The following ZBTB25 variants were observed in gnomAD, a reference collection of about 807,000 sequenced individuals.
The protein encoded by ZBTB25 is zinc finger and BTB domain containing 25, also known as zinc finger and BTB domain-containing protein 25.
In ZBTB25, 20 loss-of-function variants were observed where a neutral mutation model predicts 34.2. That is an observed-to-expected ratio of 0.58 (90% confidence interval 0.41 to 0.85). The LOEUF (loss-of-function observed/expected upper bound fraction) is 0.85, where lower values mean the gene tolerates loss of function less well. Among genes scored for constraint, ZBTB25 ranks in the 40% least tolerant of loss-of-function variants. ZBTB25 has a pLI of 0.00. For synonymous variants in ZBTB25, 175 were observed against 186.4 expected, an observed-to-expected ratio of 0.94 and a Z score of 0.50; for missense variants, 437 against 521.8, an observed-to-expected ratio of 0.84 and a Z score of 1.58.
intron 1 of ZBTB25, among the ~76,000 whole-genome samples, chr14:64,497,367 T>C (rs968105507): frequency 6.6e-6 from 1 of 151,418 alleles, no homozygotes; most frequent in East Asian, 1.9e-4. Flanking sequence ...ATTCTTTGAC[T>C]GTCTATTTTA....
Position 64,487,342 on chromosome 14 carries a change from G to A in ZBTB25, c.889C>T (p.Leu297Phe). The A allele has an allele frequency of 6.2e-7, 1 of 1,614,080 alleles. No homozygotes were observed. Among genetic ancestry groups the A allele is most frequent in the Non-Finnish European group, 8.5e-7 (1 of 1,180,006 alleles). Reference sequence around the variant, plus strand: ...TTCTCCTTAACAATGAAGGAGCTGAGCCTGCGGCATTCAAGGGCCTCGCTG... The same window carrying A: ...TTCTCCTTAACAATGAAGGAGCTGAACCTGCGGCATTCAAGGGCCTCGCTG... Reference protein sequence around the residue: ...ENSEALECRRLSSFIVKENEQ... With the variant: ...ENSEALECRRFSSFIVKENEQ... The change falls in exon 3 of 3, where the codon CTC (leucine) becomes TTC (phenylalanine). Residue 297 changes from leucine to phenylalanine, a missense_variant. Leu to Phe is a conservative substitution (Grantham distance 22, BLOSUM62 0). Coordinates refer to ENST00000608382, the MANE Select transcript of ZBTB25 (RefSeq NM_006977.5).
chr14:64,492,093 G>C (rs564538042), intron 1 of ZBTB25, among the ~76,000 whole-genome samples: 1 of 127,562 alleles, frequency 7.8e-6, no homozygotes, highest in East Asian at 2.4e-4. Context: ...ACTTCACCCT[G>C]GGTGACAGAG....
chr14:64,489,253 G>A (rs1466946649), intron 2 of ZBTB25, among the ~76,000 whole-genome samples: 1 of 151,660 alleles, frequency 6.6e-6, no homozygotes, highest in African/African-American at 2.4e-5. Context: ...CTGGGTGACA[G>A]AGCTAGACTC....
upstream of ZBTB25, chr14:64,504,850 T>C: frequency 5.0e-6 from 2 of 396,272 alleles, no homozygotes; most frequent in Middle Eastern, 6.4e-4. Flanking sequence ...CCGCCGCCAC[T>C]GCAGCTCGCG....
At chr14:64,473,412 G>C (rs532716891), downstream of ZBTB25, 77 of 167,082 alleles carry the variant, frequency 4.6e-4, no homozygotes, top group African/African-American at 1.9e-3. Flanking sequence ...CGGAGTCTTA[G>C]AATCTCTTTT....
At position 64,485,457 on chromosome 14, in the gene ZBTB25, A is replaced by G. The variant is rs1034213121; in HGVS notation, c.*1466T>C. 7.1e-5 allele frequency: 70 copies of G among 985,296 alleles called. No individual in the cohort carries two copies. Among genetic ancestry groups the G allele is most frequent in the Admixed American group, 6.8e-4 (11 of 16,264 alleles). 61.0% of individuals were successfully genotyped at this position (985,296 alleles called of 1,614,324 possible). On this transcript the variant is annotated 3_prime_UTR_variant, in exon 3 of 3. Transcript: ENST00000608382. ...AATTTAGATCTATCCTTTGTGGTGA[A>G]GCTTAACCAGCTATTTCCCAGGTAT...
intron 2 of ZBTB25, among the ~76,000 whole-genome samples, chr14:64,449,885 T>TGCC (rs1488738898): frequency 2.0e-5 from 3 of 152,210 alleles, no homozygotes; most frequent in Non-Finnish European, 4.4e-5. Context: ...GCCTCCTGGG[T>TGCC]TCAAGTGATT....
chr14:64,493,295 C>G (rs2079153951), intron 1 of ZBTB25, among the ~76,000 whole-genome samples: 1 of 152,178 alleles, frequency 6.6e-6, no homozygotes, highest in South Asian at 2.1e-4. Context: ...AAAATTTTAG[C>G]TCTGCCATTT....
chr14:64,450,654 T>C (rs1013026698), intron 2 of ZBTB25, among the ~76,000 whole-genome samples: 2 of 152,334 alleles, frequency 1.3e-5, no homozygotes, highest in East Asian at 3.9e-4. Context: ...ATATGAGATA[T>C]ATGCTGTAGT....
upstream of ZBTB25, chr14:64,504,949 A>G (rs2079617674): frequency 7.6e-6 from 3 of 395,174 alleles, no homozygotes; most frequent in East Asian, 1.1e-4. Flanking sequence ...TGCGGCCGGT[A>G]AGTATTTGCC....
In ZBTB25 at chr14:64,485,215, T is replaced by G; in HGVS notation, c.*1708A>C. The G allele has an allele frequency of 4.1e-6, 4 of 985,476 alleles. No individual in the cohort carries two copies. The highest frequency in any genetic ancestry group is 3.6e-6 in the Non-Finnish European group (3 of 829,934). The allele number at this position is 985,476 out of a possible 1,614,324, so 61.0% of individuals were successfully genotyped here. A position where few individuals can be genotyped will look rare whatever the true frequency, so the allele number is the denominator to read the frequency against. On this transcript the variant is annotated 3_prime_UTR_variant, in exon 3 of 3. Coordinates refer to ENST00000608382, the MANE Select transcript of ZBTB25 (RefSeq NM_006977.5). ...ATTACTCTTTGAGCTCCCTCCTGAT[T>G]GGACGCTGATGCTGTTGAATGTGTC...
In ZBTB25 at chr14:64,485,445, C is replaced by T. The variant is rs1312466468; in HGVS notation, c.*1478G>A. ...CATTTCAGAAACAATTTAGATCTAT[C>T]CTTTGTGGTGAAGCTTAACCAGCTA... On this transcript the variant is annotated 3_prime_UTR_variant, in exon 3 of 3. Coordinates refer to ENST00000608382, the MANE Select transcript of ZBTB25 (RefSeq NM_006977.5). 1.0e-5 allele frequency: 10 copies of T among 985,214 alleles called. No homozygotes were observed. The highest frequency in any genetic ancestry group is 1.2e-5 in the Non-Finnish European group (10 of 829,882). The allele number at this position is 985,214 out of a possible 1,614,324, so 61.0% of individuals were successfully genotyped here.
downstream of ZBTB25, among the ~76,000 whole-genome samples, chr14:64,476,903 T>G (rs1190845237): frequency 1.3e-5 from 2 of 152,214 alleles, no homozygotes; most frequent in African/African-American, 4.8e-5. Flanking sequence ...ATAATGATAA[T>G]CACTAGGGTT....
intron 1 of ZBTB25, among the ~76,000 whole-genome samples, chr14:64,494,548 A>G (rs1326794684): frequency 6.6e-6 from 1 of 152,150 alleles, no homozygotes; most frequent in Non-Finnish European, 1.5e-5. Context: ...CAGAAGAATC[A>G]CTTGAACCCA....
At chr14:64,449,963 T>C (rs2078344004) in intron 2 of ZBTB25, among the ~76,000 whole-genome samples, 1 of 152,132 alleles carries the variant, frequency 6.6e-6, no homozygotes, top group Non-Finnish European at 1.5e-5. Flanking sequence ...TAATTTTTCT[T>C]ATTTTTTTAG....
In ZBTB25 at chr14:64,503,364, G is replaced by A. The variant is rs867038942; in HGVS notation, c.-8+297C>T. Reference sequence around the variant, plus strand: ...TGCTGGGGGTCGCACCCGGACCCGCGGCCGGGACGGCTCTGCACCTTCGCG... The same window carrying A: ...TGCTGGGGGTCGCACCCGGACCCGCAGCCGGGACGGCTCTGCACCTTCGCG... On this transcript the variant is annotated intron_variant, in intron 1 of 2. Transcript: ENST00000608382. 5.5e-5 allele frequency: 54 copies of A among 985,258 alleles called. No individual in the cohort carries two copies. In the African/African-American group the frequency reaches 8.2e-4, roughly 15 times the overall value. The allele number at this position is 985,258 out of a possible 1,614,324, so 61.0% of individuals were successfully genotyped here. A position where few individuals can be genotyped will look rare whatever the true frequency, so the allele number is the denominator to read the frequency against.
chr14:64,489,165 T>C (rs1361003751), intron 2 of ZBTB25, among the ~76,000 whole-genome samples: 2 of 152,058 alleles, frequency 1.3e-5, no homozygotes, highest in Non-Finnish European at 2.9e-5. Context: ...AGAGAATTGC[T>C]TGAACCTGGG....
chr14:64,453,812 T>C (rs757765052), intron 2 of ZBTB25: 20 of 1,613,170 alleles, frequency 1.2e-5, no homozygotes, highest in African/African-American at 5.3e-5. Flanking sequence ...GCAGATGACA[T>C]TGAATTACTT....
intron 1 of ZBTB25, among the ~76,000 whole-genome samples, chr14:64,494,050 A>G (rs1181852250): frequency 6.6e-6 from 1 of 152,166 alleles, no homozygotes; most frequent in Non-Finnish European, 1.5e-5. Flanking sequence ...ATAATAAAGT[A>G]GACTAAAAAG....
Sources: allele counts gnomAD v4.1 joint callset (sites outside exome capture counted in the v4.1 genomes callset), GRCh38; gene constraint gnomAD v4.1.1; transcripts MANE v1.5; gene names NCBI Gene and HGNC (gene_info 2026-07-23, HGNC 2026-07-21).